The following GABRR3 variants were observed in gnomAD, a reference collection of about 807,000 sequenced individuals.
GABRR3 encodes gamma-aminobutyric acid type A receptor subunit rho3.
Under a neutral mutation model 43.2 loss-of-function variants are expected in GABRR3, and 29 were observed. The ratio of observed to expected loss-of-function variants is 0.67; its 90% CI spans 0.50 to 0.92. The LOEUF is 0.92. Ranked by LOEUF, GABRR3 falls within the 40% of genes least tolerant of loss-of-function variation. The pLI is 0.00. For synonymous variants in GABRR3, 206 were observed against 195.9 expected, an observed-to-expected ratio of 1.05 and a Z score of -0.43; for missense variants, 576 against 572.3, an observed-to-expected ratio of 1.01 and a Z score of -0.07.
intron 5 of GABRR3, among the ~76,000 whole-genome samples, chr3:98,011,255 A>G (rs1706787798): frequency 6.6e-6 from 1 of 152,234 alleles, no homozygotes; most frequent in East Asian, 1.9e-4. Flanking sequence ...TGAGTTTCCT[A>G]CTGCTGCTGT....
intron 5 of GABRR3, among the ~76,000 whole-genome samples, chr3:98,009,322 T>C (rs528325393): frequency 6.6e-6 from 1 of 152,240 alleles, no homozygotes; most frequent in Non-Finnish European, 1.5e-5. Context: ...CTGGCTCTGA[T>C]GTCTCCAGAA....
chr3:98,010,773 G>T (rs1028323216), intron 5 of GABRR3, among the ~76,000 whole-genome samples: 1 of 152,150 alleles, frequency 6.6e-6, no homozygotes, highest in Non-Finnish European at 1.5e-5. Context: ...CTTGACTCCA[G>T]TATGTATGAG....
chr3:97,985,590 C>T (rs6780855), downstream of GABRR3, among the ~76,000 whole-genome samples: 1 of 152,016 alleles, frequency 6.6e-6, no homozygotes, highest in Non-Finnish European at 1.5e-5. Flanking sequence ...AAGGCAGGAA[C>T]GCTATTTCAT....
At chr3:98,018,008 T>C (rs1237562457) in intron 3 of GABRR3, among the ~76,000 whole-genome samples, 2 of 150,710 alleles carry the variant, frequency 1.3e-5, no homozygotes, top group South Asian at 2.1e-4. Flanking sequence ...AGTTTTCTTT[T>C]TTTTTTTTTT....
intron 7 of GABRR3, among the ~76,000 whole-genome samples, chr3:98,003,195 C>T (rs1475824231): frequency 6.6e-6 from 1 of 152,006 alleles, no homozygotes; most frequent in Non-Finnish European, 1.5e-5. Flanking sequence ...TACTGTGTAC[C>T]ACTGAGAGTT....
intron 2 of GABRR3, 72 bp from the exon 3 acceptor site, chr3:98,025,751 A>G: frequency 3.1e-6 from 3 of 971,782 alleles, no homozygotes; most frequent in Non-Finnish European, 4.7e-6. Context: ...TAGGTTAGCC[A>G]TCTGTGCTCA....
intron 8 of GABRR3, among the ~76,000 whole-genome samples, chr3:97,996,404 C>A (rs377677025): frequency 2.4e-4 from 37 of 152,246 alleles, no homozygotes; most frequent in Middle Eastern, 3.4e-3. Flanking sequence ...ATCTCTGTGA[C>A]CATTAAATAA....
chr3:98,009,437 G>T (rs1706761129), intron 5 of GABRR3, among the ~76,000 whole-genome samples: 1 of 152,194 alleles, frequency 6.6e-6, no homozygotes, highest in Non-Finnish European at 1.5e-5. Flanking sequence ...TGGAATGGTG[G>T]CAATAAAAAC....
At chr3:98,008,343 A>G (rs1166875443) in intron 6 of GABRR3, among the ~76,000 whole-genome samples, 1 of 152,198 alleles carries the variant, frequency 6.6e-6, no homozygotes, top group African/African-American at 2.4e-5. Context: ...TCTAAAGTCA[A>G]ATAGTGGTAT....
intron 4 of GABRR3, among the ~76,000 whole-genome samples, chr3:98,014,286 T>C (rs1274391714): frequency 6.6e-6 from 1 of 152,214 alleles, no homozygotes; most frequent in Non-Finnish European, 1.5e-5. Context: ...AGAAATGACT[T>C]GAATAATACG....
At chr3:98,004,645 T>A in intron 7 of GABRR3, among the ~76,000 whole-genome samples, 1 of 151,442 alleles carries the variant, frequency 6.6e-6, no homozygotes. Context: ...GTGGTGATTT[T>A]TGAACAGTGG....
intron 9 of GABRR3, among the ~76,000 whole-genome samples, chr3:97,987,558 G>A (rs1424918448): frequency 1.3e-5 from 2 of 152,190 alleles, no homozygotes; most frequent in African/African-American, 2.4e-5. Flanking sequence ...CAAATAGAGA[G>A]AGGCTACTAT....
chr3:97,995,585 C>T (rs943444851), intron 8 of GABRR3, among the ~76,000 whole-genome samples: 1 of 150,066 alleles, frequency 6.7e-6, no homozygotes, highest in Admixed American at 6.7e-5. Context: ...TCTAAATTTT[C>T]CTTCTTTAAG....
intron 2 of GABRR3, among the ~76,000 whole-genome samples, chr3:98,033,436 A>T (rs1481042313): frequency 6.6e-6 from 1 of 152,098 alleles, no homozygotes; most frequent in Non-Finnish European, 1.5e-5. Context: ...ACCTCACCAC[A>T]AAGAACCAAT....
intron 8 of GABRR3, among the ~76,000 whole-genome samples, chr3:97,994,771 G>A (rs1179253296): frequency 6.6e-6 from 1 of 152,152 alleles, no homozygotes; most frequent in Non-Finnish European, 1.5e-5. Flanking sequence ...GAGTGGCTAA[G>A]GGATTCCCCC....
intron 8 of GABRR3, among the ~76,000 whole-genome samples, chr3:97,994,082 G>A (rs929006601): frequency 2.0e-5 from 3 of 152,218 alleles, no homozygotes; most frequent in Non-Finnish European, 4.4e-5. Context: ...TCCCACCAGG[G>A]AGGTGCAAAT....
At chr3:98,031,804 G>A (rs1323880430) in intron 2 of GABRR3, among the ~76,000 whole-genome samples, 1 of 152,030 alleles carries the variant, frequency 6.6e-6, no homozygotes, top group African/African-American at 2.4e-5. Context: ...AACCTGACCA[G>A]CCAGTTTCCC....
At chr3:98,022,033 C>T (rs1706955161) in intron 3 of GABRR3, among the ~76,000 whole-genome samples, 1 of 152,174 alleles carries the variant, frequency 6.6e-6, no homozygotes, top group Non-Finnish European at 1.5e-5. Flanking sequence ...GTAGCCAGAT[C>T]CTTCTGACTC....
At chr3:98,016,794 A>C (rs1397139142) in intron 4 of GABRR3, among the ~76,000 whole-genome samples, 1 of 152,218 alleles carries the variant, frequency 6.6e-6, no homozygotes, top group Non-Finnish European at 1.5e-5. Context: ...AGAGCAAAAA[A>C]ACTGAAAAAC....
Sources: gnomAD v4.1 joint callset for allele counts (sites outside exome capture counted in the v4.1 genomes callset) on GRCh38, gnomAD v4.1.1 for gene constraint, MANE v1.5 for transcripts, NCBI Gene and HGNC (gene_info 2026-07-23, HGNC 2026-07-21) for gene names.